Variants in GLIPR2 observed in about 807,000 individuals in gnomAD.
GLIPR2 encodes Golgi-associated plant pathogenesis-related protein 1.
A neutral mutation model predicts 20.4 loss-of-function variants in GLIPR2; 21 were observed. The observed-to-expected ratio is 1.03, with a 90% confidence interval of 0.73 to 1.48. GLIPR2 has a LOEUF of 1.48. Ranked by LOEUF, GLIPR2 falls within the 40% of genes most tolerant of loss-of-function variation. The pLI, the probability that GLIPR2 is intolerant of heterozygous loss-of-function variation, is 0.00. For synonymous variants in GLIPR2, 91 were observed against 80.5 expected, an observed-to-expected ratio of 1.13 and a Z score of -0.70; for missense variants, 205 against 200.1, an observed-to-expected ratio of 1.02 and a Z score of -0.15.
At chr9:36,148,441 G>C in intron 2 of GLIPR2, 106 bp from the exon 3 acceptor site, 1 of 736,542 alleles carries the variant, frequency 1.4e-6, no homozygotes, top group Non-Finnish European at 2.4e-6. Context: ...GTGCTCCTCT[G>C]TGAGCCCGGG....
chr9:36,154,535 C>T (rs79416848), intron 4 of GLIPR2, among the ~76,000 whole-genome samples: 1,702 of 152,248 alleles, frequency 0.011, 34 homozygotes, highest in African/African-American at 0.038. Context: ...TATACTGTGA[C>T]ATATTTGGTG....
chr9:36,138,468 C>A (rs1427717300), intron 1 of GLIPR2, among the ~76,000 whole-genome samples: 2 of 152,148 alleles, frequency 1.3e-5, no homozygotes, highest in African/African-American at 4.8e-5. Context: ...CATGATCTGC[C>A]TGCCTCAGCC....
intron 1 of GLIPR2, among the ~76,000 whole-genome samples, chr9:36,138,833 C>T (rs1020576009): frequency 2.6e-5 from 4 of 152,108 alleles, no homozygotes; most frequent in African/African-American, 9.7e-5. Flanking sequence ...GACTGCTCCG[C>T]GTGGGAGCCG....
intron 1 of GLIPR2, among the ~76,000 whole-genome samples, chr9:36,142,208 C>A (rs1247780837): frequency 6.6e-6 from 1 of 152,154 alleles, no homozygotes; most frequent in Non-Finnish European, 1.5e-5. Context: ...CCACCCCTGT[C>A]TATTTTCTTC....
At position 36,157,805 on chromosome 9, in the gene GLIPR2, G is replaced by GT. The variant is rs1334242329; in HGVS notation, c.305-4547dup. Among the ~76,000 whole-genome samples, 762 of 141,420 alleles carry GT rather than the reference G, an allele frequency of 5.4e-3. 6 individuals are homozygous for GT. Among genetic ancestry groups the GT allele is most frequent in the African/African-American group, 0.014 (522 of 38,518 alleles). 92.8% of individuals were successfully genotyped at this position (141,420 alleles called of 152,430 possible). A position where few individuals can be genotyped will look rare whatever the true frequency, so the allele number is the denominator to read the frequency against. ...ACACTTGGGCTGTGTGTCTTTGTGG[G>GT]TTTTTTTTTTGTTTTTTGTTTTTTC... On this transcript the variant is annotated intron_variant, in intron 4 of 4. Transcript: ENST00000377960.
chr9:36,148,508 A>C, intron 2 of GLIPR2, 39 bp from the exon 3 acceptor site: 3 of 1,493,172 alleles, frequency 2.0e-6, no homozygotes, highest in Non-Finnish European at 2.8e-6. Context: ...GGGTTCCCTG[A>C]ACTGCACCTG....
At chr9:36,161,037 G>A (rs887465124) in intron 4 of GLIPR2, among the ~76,000 whole-genome samples, 3 of 151,302 alleles carry the variant, frequency 2.0e-5, no homozygotes, top group South Asian at 2.1e-4. Flanking sequence ...GGTGAGACTC[G>A]TCTCAAAAAA....
At position 36,162,626 on chromosome 9, in the gene GLIPR2, TTG is replaced by T. The variant is rs1272144408; in HGVS notation, c.*113_*114del. 5.3e-6 allele frequency: 6 copies of T among 1,127,866 alleles called. No individual in the cohort carries two copies. In the East Asian group the frequency reaches 7.7e-5, roughly 14 times the overall value. The allele number at this position is 1,127,866 out of a possible 1,614,324, so 69.9% of individuals were successfully genotyped here. On this transcript the variant is annotated 3_prime_UTR_variant, in exon 5 of 5. Transcript: ENST00000377960. ...CGTCTGTCCCTGTGGGTGTATGTGC[TTG>T]TGTGTGTGATGCATGTGAGCGTCTC... is the stretch of plus-strand genomic sequence containing the variant.
intron 3 of GLIPR2, among the ~76,000 whole-genome samples, chr9:36,149,294 C>T (rs1020517410): frequency 6.6e-6 from 1 of 152,226 alleles, no homozygotes; most frequent in African/African-American, 2.4e-5. Context: ...ATCTCTGAAG[C>T]TTTCTCCAAA....
chr9:36,148,358 T>G (rs1178616725), intron 2 of GLIPR2, among the ~76,000 whole-genome samples, 189 bp from the exon 3 acceptor site: 1 of 152,186 alleles, frequency 6.6e-6, no homozygotes, highest in Admixed American at 6.5e-5. Flanking sequence ...CAGGTCCTTT[T>G]AGTTCCCCTG....
rs1249938037 is a variant in GLIPR2 at position 36,150,909 on chromosome 9, G to A, written c.264G>A (p.Lys88=). The A allele has an allele frequency of 1.9e-6, 3 of 1,613,986 alleles. No individual in the cohort carries two copies. Among genetic ancestry groups the A allele is most frequent in the Middle Eastern group, 1.6e-4 (1 of 6,062 alleles). ...CTGATAGATGGTACAGTGAAATCAA[G>A]AACTATAACTTCCAGCAGCCTGGCT... is the stretch of plus-strand genomic sequence containing the variant. ...EVADRWYSEI[K]NYNFQQPGFT... Residue 88 remains lysine, a synonymous_variant, in exon 4 of 5, where the codon AAG becomes AAA. Coordinates refer to ENST00000377960, the MANE Select transcript of GLIPR2 (RefSeq NM_022343.4).
rs756387879 is a variant in GLIPR2, at chr9:36,162,560, C to A, written c.*38C>A. 3.1e-6 allele frequency: 5 copies of A among 1,605,148 alleles called. No homozygotes were observed. Among genetic ancestry groups the A allele is most frequent in the Middle Eastern group, 1.7e-4 (1 of 6,018 alleles). On this transcript the variant is annotated 3_prime_UTR_variant, in exon 5 of 5. Transcript: ENST00000377960. ...AATGGGAAGGTGGCAGACTTAAGAA[C>A]GTGGATATGAAGTGCCTAGAACCAC...
At position 36,153,223 on chromosome 9, in the gene GLIPR2, C is replaced by T. The variant is rs549123769; in HGVS notation, c.304+2274C>T. Among the ~76,000 whole-genome samples the T allele has an allele frequency of 2.0e-5, 3 of 152,228 alleles. 1 individual carries two copies. In the South Asian group the frequency reaches 6.2e-4, roughly 32 times the overall value. On this transcript the variant is annotated intron_variant, in intron 4 of 4. Transcript: ENST00000377960. ...AGGGAAGCAGCCTTTCTCATGCCTT[C>T]CGTCCCTGATCTGATGCTTTTTCCA... is the stretch of plus-strand genomic sequence containing the variant.
intron 4 of GLIPR2, among the ~76,000 whole-genome samples, chr9:36,158,595 G>A (rs1028880382): frequency 6.6e-6 from 1 of 152,180 alleles, no homozygotes; most frequent in Non-Finnish European, 1.5e-5. Flanking sequence ...TGTGGCACGT[G>A]CCCTCACATA....
intron 1 of GLIPR2, among the ~76,000 whole-genome samples, chr9:36,137,790 G>A (rs891798782): frequency 5.3e-5 from 8 of 152,214 alleles, no homozygotes; most frequent in Non-Finnish European, 1.0e-4. Context: ...TGCTTCATCC[G>A]GATTGTCCAC....
intron 1 of GLIPR2, among the ~76,000 whole-genome samples, chr9:36,141,215 G>C (rs1454658653): frequency 2.0e-5 from 3 of 152,330 alleles, no homozygotes; most frequent in South Asian, 2.1e-4. Context: ...TATGTATGGG[G>C]AAAGGAGGCA....
At position 36,150,950 on chromosome 9, in the gene GLIPR2, G is replaced by C; in HGVS notation, c.304+1G>C. On this transcript the variant is annotated splice_donor_variant, in intron 4 of 4. Transcript: ENST00000377960. LOFTEE classifies it high-confidence loss of function. ...CAGCCTGGCTTCACCTCGGGGACTG[G>C]TGAGTGGCAGGGTCTCACCAGTGGC... is the stretch of plus-strand genomic sequence containing the variant. 1 of 1,611,864 alleles carries C rather than the reference G, an allele frequency of 6.2e-7. No homozygotes were observed. The highest frequency in any genetic ancestry group is 1.1e-5 in the South Asian group (1 of 91,006).
chr9:36,151,894 G>A (rs1389059166), intron 4 of GLIPR2, among the ~76,000 whole-genome samples: 1 of 152,112 alleles, frequency 6.6e-6, no homozygotes, highest in African/African-American at 2.4e-5. Context: ...GAAGGTGCCA[G>A]GAAAACAGAA....
chr9:36,147,921 CT>C, intron 2 of GLIPR2, 27 bp downstream of exon 2: 2 of 1,048,464 alleles, frequency 1.9e-6, no homozygotes, highest in East Asian at 4.7e-5. Context: ...ATCCGGGTAA[CT>C]TGGCCCTTCA....
Sources: allele counts gnomAD v4.1 joint callset (sites outside exome capture counted in the v4.1 genomes callset), GRCh38; gene constraint gnomAD v4.1.1; transcripts MANE v1.5; gene names NCBI Gene and HGNC (gene_info 2026-07-23, HGNC 2026-07-21).